Variants in PCDH15 observed in about 807,000 individuals in gnomAD.
The protein encoded by PCDH15 is protocadherin related 15.
In PCDH15, 129 loss-of-function variants were observed where a neutral mutation model predicts 178.5. The observed-to-expected ratio is 0.72, with a 90% CI of 0.63 to 0.84. The LOEUF (loss-of-function observed/expected upper bound fraction) is 0.84. PCDH15 is among the 40% of genes least tolerant of loss of function. PCDH15 has a pLI of 0.00. For missense variants in PCDH15, 2,230 were observed against 2,099.9 expected (o/e 1.06, Z -1.21); for synonymous variants, 800 against 732.0 (o/e 1.09, Z -1.50).
At chr10:53,963,829 G>A (rs1312635732) in intron 21 of PCDH15, among the ~76,000 whole-genome samples, 1 of 151,950 alleles carries the variant, frequency 6.6e-6, no homozygotes, top group Non-Finnish European at 1.5e-5. Flanking sequence ...CATATCCTCT[G>A]TGTTTTCTGT....
chr10:53,936,483 C>T (rs1203502662), intron 25 of PCDH15, among the ~76,000 whole-genome samples: 1 of 152,090 alleles, frequency 6.6e-6, no homozygotes, highest in African/African-American at 2.4e-5. Context: ...CATAGAGGAA[C>T]AACTATTTCC....
chr10:54,763,801 T>C (rs529928405), intron 1 of PCDH15, among the ~76,000 whole-genome samples: 1 of 148,786 alleles, frequency 6.7e-6, no homozygotes, highest in African/African-American at 2.4e-5. Flanking sequence ...TATGTACAAC[T>C]CTTATGTATC....
chr10:55,048,633 T>C (rs1264462937), intron 2 of PCDH15, among the ~76,000 whole-genome samples: 1 of 151,990 alleles, frequency 6.6e-6, no homozygotes, highest in Non-Finnish European at 1.5e-5. Context: ...CCTAATTTTA[T>C]AGATTTAAAA....
At chr10:53,985,630 A>G (rs2610890) in intron 21 of PCDH15, among the ~76,000 whole-genome samples, 57,646 of 151,838 alleles carry the variant, frequency 0.38, 11,952 homozygotes, top group Middle Eastern at 0.6. Context: ...CTTAGATTAT[A>G]AACACACCCC....
intron 2 of PCDH15, among the ~76,000 whole-genome samples, chr10:55,071,101 C>G (rs895146183): frequency 1.3e-5 from 2 of 152,040 alleles, no homozygotes; most frequent in Non-Finnish European, 2.9e-5. Context: ...GAAGGATGCA[C>G]TAAACATGGA....
intron 3 of PCDH15, among the ~76,000 whole-genome samples, chr10:54,516,815 A>G (rs971497727): frequency 3.3e-5 from 5 of 152,156 alleles, no homozygotes; most frequent in Non-Finnish European, 4.4e-5. Flanking sequence ...AGAGAGAAAG[A>G]TTGGGTTACC....
At chr10:55,322,057 T>G (rs1420390492), upstream of PCDH15, among the ~76,000 whole-genome samples, 2 of 152,164 alleles carry the variant, frequency 1.3e-5, no homozygotes, top group Non-Finnish European at 2.9e-5. Context: ...CACCTCGAAT[T>G]GTAATAATCC....
intron 1 of PCDH15, among the ~76,000 whole-genome samples, chr10:54,710,962 T>C (rs2095422602): frequency 6.6e-6 from 1 of 151,976 alleles, no homozygotes; most frequent in Admixed American, 6.6e-5. Context: ...ATAAACCGGA[T>C]TGCTTTGGGA....
chr10:55,330,613 A>G (rs73253846), intron 2 of PCDH15, among the ~76,000 whole-genome samples: 1,808 of 151,972 alleles, frequency 0.012, 49 homozygotes, highest in African/African-American at 0.042. Flanking sequence ...AGTCCTAGAT[A>G]TTTTACATGA....
intron 2 of PCDH15, among the ~76,000 whole-genome samples, chr10:55,391,211 G>A (rs549021602): frequency 1.7e-4 from 26 of 151,156 alleles, no homozygotes; most frequent in Non-Finnish European, 3.4e-4. Flanking sequence ...CAGGACTTGT[G>A]ACTTCACCTT....
chr10:54,788,622 A>G (rs1347931040), intron 1 of PCDH15, among the ~76,000 whole-genome samples: 1 of 151,932 alleles, frequency 6.6e-6, no homozygotes, highest in African/African-American at 2.4e-5. Context: ...GTCTTCAGTA[A>G]TAAGATTTAA....
chr10:53,863,284 CTA>C (rs1437225423), intron 27 of PCDH15, among the ~76,000 whole-genome samples: 27 of 152,046 alleles, frequency 1.8e-4, no homozygotes, highest in African/African-American at 6.5e-4. Context: ...AACCTCAATA[CTA>C]CAAGGTCAGG....
intron 3 of PCDH15, among the ~76,000 whole-genome samples, chr10:54,844,858 A>C (rs1207488466): frequency 6.6e-6 from 1 of 151,918 alleles, no homozygotes; most frequent in African/African-American, 2.4e-5. Context: ...ATTTTGTTTC[A>C]ATAATGACTT....
At chr10:54,575,961 T>G (rs1259465090) in intron 2 of PCDH15, among the ~76,000 whole-genome samples, 1 of 152,188 alleles carries the variant, frequency 6.6e-6, no homozygotes, top group Non-Finnish European at 1.5e-5. Context: ...CTACAACATG[T>G]CTTCAGGAAC....
intron 3 of PCDH15, among the ~76,000 whole-genome samples, chr10:54,824,423 A>G (rs1953094028): frequency 6.6e-6 from 1 of 152,164 alleles, no homozygotes; most frequent in African/African-American, 2.4e-5. Context: ...CTCTGGTTAG[A>G]CTGAGGCTTT....
intron 3 of PCDH15, among the ~76,000 whole-genome samples, chr10:54,486,802 G>A (rs2079140061): frequency 6.6e-6 from 1 of 151,898 alleles, no homozygotes; most frequent in South Asian, 2.1e-4. Context: ...GCATCTTTGG[G>A]GGAACAGGGG....
chr10:55,299,102 T>C (rs1043382537), intron 1 of PCDH15, among the ~76,000 whole-genome samples: 1 of 152,220 alleles, frequency 6.6e-6, no homozygotes, highest in African/African-American at 2.4e-5. Context: ...GACTTTAATA[T>C]AATTGATTGA....
At chr10:54,463,049 C>G (rs1452469569) in intron 3 of PCDH15, among the ~76,000 whole-genome samples, 1 of 151,950 alleles carries the variant, frequency 6.6e-6, no homozygotes, top group Non-Finnish European at 1.5e-5. Context: ...CTTTTAAGCT[C>G]GTTATAAGAT....
chr10:54,210,868 T>G (rs779971315), intron 10 of PCDH15, among the ~76,000 whole-genome samples: 2 of 151,940 alleles, frequency 1.3e-5, no homozygotes, highest in Non-Finnish European at 2.9e-5. Flanking sequence ...ATGAAACAAT[T>G]ATGCTTCTAA....
Sources: gnomAD v4.1 joint callset for allele counts (sites outside exome capture counted in the v4.1 genomes callset) on GRCh38, gnomAD v4.1.1 for gene constraint, MANE v1.5 for transcripts, NCBI Gene and HGNC (gene_info 2026-07-23, HGNC 2026-07-21) for gene names.